TMEM132D: variants seen among roughly 807,000 people sequenced by gnomAD.
The protein encoded by TMEM132D is transmembrane protein 132D.
TMEM132D carries 21 observed loss-of-function variants against 62.3 expected under a neutral mutation model. The observed-to-expected ratio is 0.34, with a 90% confidence interval of 0.24 to 0.49. The LOEUF (loss-of-function observed/expected upper bound fraction) is 0.49. Among genes scored for constraint, TMEM132D ranks in the 20% least tolerant of loss-of-function variants. The pLI is 0.99. For synonymous variants in TMEM132D, 621 were observed against 575.6 expected (o/e 1.08, Z -1.13); for missense variants, 1,346 against 1,402.8 (o/e 0.96, Z 0.65).
intron 3 of TMEM132D, among the ~76,000 whole-genome samples, chr12:129,493,835 T>A (rs1376584084): frequency 6.6e-6 from 1 of 152,196 alleles, no homozygotes; most frequent in African/African-American, 2.4e-5. Flanking sequence ...TCTGTTGACA[T>A]GTTTGGGGAT....
At chr12:129,214,716 C>G (rs774799102) in intron 4 of TMEM132D, among the ~76,000 whole-genome samples, 3 of 152,184 alleles carry the variant, frequency 2.0e-5, no homozygotes, top group Admixed American at 6.5e-5. Context: ...AGCTCAACAT[C>G]ATTGATCACT....
At chr12:129,471,163 C>G (rs990291450) in intron 3 of TMEM132D, among the ~76,000 whole-genome samples, 1 of 151,512 alleles carries the variant, frequency 6.6e-6, no homozygotes, top group Non-Finnish European at 1.5e-5. Context: ...AGGAAAAGCA[C>G]CTCTTATTTT....
At chr12:129,466,095 A>G (rs985587447) in intron 3 of TMEM132D, among the ~76,000 whole-genome samples, 1 of 152,144 alleles carries the variant, frequency 6.6e-6, no homozygotes, top group Admixed American at 6.5e-5. Context: ...TTAGCACATA[A>G]CAAGCAAGAA....
chr12:129,174,813 T>C (rs981371003), intron 5 of TMEM132D, among the ~76,000 whole-genome samples: 5 of 152,260 alleles, frequency 3.3e-5, no homozygotes, highest in Admixed American at 3.3e-4. Context: ...TTGAATTGCA[T>C]TTCTCTAATG....
At chr12:129,327,252 C>G (rs1868945758) in intron 4 of TMEM132D, among the ~76,000 whole-genome samples, 1 of 152,152 alleles carries the variant, frequency 6.6e-6, no homozygotes. Context: ...AAAGGAAAGA[C>G]CCCAGGGGCA....
intron 4 of TMEM132D, among the ~76,000 whole-genome samples, chr12:129,233,593 T>C (rs1313628131): frequency 1.3e-5 from 2 of 152,084 alleles, no homozygotes; most frequent in Non-Finnish European, 2.9e-5. Flanking sequence ...CAAACTGATA[T>C]TATTAATTTT....
At chr12:129,815,142 G>A (rs571429155) in intron 1 of TMEM132D, among the ~76,000 whole-genome samples, 36 of 152,062 alleles carry the variant, frequency 2.4e-4, no homozygotes, top group Non-Finnish European at 4.6e-4. Context: ...TTTTAATTGC[G>A]CTAAGTAATT....
intron 3 of TMEM132D, among the ~76,000 whole-genome samples, chr12:129,426,082 G>A (rs148946681): frequency 2.7e-3 from 413 of 152,284 alleles, no homozygotes; most frequent in Non-Finnish European, 5.1e-3. Context: ...TGTATTAGAT[G>A]GAGATTGTGT....
At chr12:129,182,246 C>T (rs1878089491) in intron 5 of TMEM132D, among the ~76,000 whole-genome samples, 2 of 152,166 alleles carry the variant, frequency 1.3e-5, no homozygotes, top group Admixed American at 6.5e-5. Flanking sequence ...CACCTATAAT[C>T]CCAGCTACTT....
intron 2 of TMEM132D, among the ~76,000 whole-genome samples, chr12:129,682,067 C>A (rs1366696320): frequency 1.3e-5 from 2 of 152,222 alleles, no homozygotes; most frequent in East Asian, 3.8e-4. Flanking sequence ...GCCTCCTAAG[C>A]AGCTTTGACC....
At chr12:129,491,549 G>A (rs1244639348) in intron 3 of TMEM132D, among the ~76,000 whole-genome samples, 1 of 152,090 alleles carries the variant, frequency 6.6e-6, no homozygotes, top group Non-Finnish European at 1.5e-5. Flanking sequence ...CACTCCATGC[G>A]GTCACTTAGG....
intron 5 of TMEM132D, among the ~76,000 whole-genome samples, chr12:129,189,028 C>G (rs1878307274): frequency 1.3e-5 from 2 of 152,144 alleles, no homozygotes; most frequent in African/African-American, 4.8e-5. Flanking sequence ...TCACCCTTTA[C>G]TGGTCAACAA....
At chr12:129,606,697 G>C (rs569208999) in intron 2 of TMEM132D, among the ~76,000 whole-genome samples, 1 of 151,958 alleles carries the variant, frequency 6.6e-6, no homozygotes, top group East Asian at 1.9e-4. Flanking sequence ...AAGACACTAA[G>C]TTACTTGTAA....
intron 2 of TMEM132D, among the ~76,000 whole-genome samples, chr12:129,539,321 T>C (rs1052724525): frequency 6.6e-6 from 1 of 150,610 alleles, no homozygotes. Flanking sequence ...AACCTCTGCA[T>C]CCCAGGCTCC....
intron 2 of TMEM132D, among the ~76,000 whole-genome samples, chr12:129,532,569 G>C (rs1876260034): frequency 6.6e-6 from 1 of 152,222 alleles, no homozygotes; most frequent in Non-Finnish European, 1.5e-5. Flanking sequence ...CTGCAGGCTT[G>C]AGACTGCCCT....
intron 3 of TMEM132D, among the ~76,000 whole-genome samples, chr12:129,475,688 TGAAAG>T (rs1429002792): frequency 6.6e-6 from 1 of 151,958 alleles, no homozygotes; most frequent in African/African-American, 2.4e-5. Context: ...TAATAATGAG[TGAAAG>T]GAAAGTGATT....
At chr12:129,344,920 G>A (rs562363395) in intron 3 of TMEM132D, among the ~76,000 whole-genome samples, 5 of 152,238 alleles carry the variant, frequency 3.3e-5, no homozygotes, top group African/African-American at 9.6e-5. Context: ...TGAGCAGTAA[G>A]ATTAGATAGA....
intron 5 of TMEM132D, among the ~76,000 whole-genome samples, chr12:129,160,785 G>A (rs1303984637): frequency 6.6e-6 from 1 of 152,174 alleles, no homozygotes; most frequent in Non-Finnish European, 1.5e-5. Flanking sequence ...AAGAAACAGG[G>A]CTTGGGGACT....
chr12:129,648,089 G>T (rs1324830398), intron 2 of TMEM132D, among the ~76,000 whole-genome samples: 1 of 152,094 alleles, frequency 6.6e-6, no homozygotes, highest in Non-Finnish European at 1.5e-5. Flanking sequence ...ATAAATTACG[G>T]CTCAGGAGTC....
Sources: gnomAD v4.1 joint callset for allele counts (sites outside exome capture counted in the v4.1 genomes callset) on GRCh38, gnomAD v4.1.1 for gene constraint, MANE v1.5 for transcripts, NCBI Gene and HGNC (gene_info 2026-07-23, HGNC 2026-07-21) for gene names.